The following NKX1-1 variants were observed in gnomAD, a reference collection of about 807,000 sequenced individuals.
NKX1-1 encodes NK1 homeobox 1, also known as NK1 transcription factor-related protein 1.
A neutral mutation model predicts 1.7 loss-of-function variants in NKX1-1; 7 were observed. The ratio of observed to expected loss-of-function variants is 4.22; its 90% confidence interval spans 2.40 to 7.92. The LOEUF is 7.92. Among genes scored for constraint, NKX1-1 ranks in the 30% most tolerant of loss-of-function variants. The probability of loss-of-function intolerance (pLI) is 0.00; values close to 1 mark genes in which losing one functional copy is unlikely to be tolerated. For missense variants in NKX1-1, 453 were observed against 171.5 expected, an observed-to-expected ratio of 2.64 and a Z score of -9.17; for synonymous variants, 242 against 85.3, an observed-to-expected ratio of 2.84 and a Z score of -10.13.
rs557346479 is a variant in NKX1-1 at position 1,405,867 on chromosome 4, C to A, written c.463+113G>T. On this transcript the variant is annotated intron_variant, in intron 1 of 1. Coordinates refer to ENST00000422806, the MANE Select transcript of NKX1-1 (RefSeq NM_001290079.1). ...GACCCGGCGCTCAGCGAACTTTCCA[C>A]GGAGCCTCGGCGTGGGCCAGACCCA... 1.7e-3 allele frequency: 680 copies of A among 396,556 alleles called. 18 individuals are homozygous for A. In the South Asian group the frequency reaches 0.066, roughly 38 times the overall value. 24.6% of individuals were successfully genotyped at this position (396,556 alleles called of 1,614,324 possible).
chr4:1,403,028 C>T lies in NKX1-1; in HGVS notation c.1251G>A (p.Ala417=). Residue 417 remains alanine, a synonymous_variant, in exon 2 of 2, where the codon GCG becomes GCA. Transcript: ENST00000422806. ...CCGGGCTCGACAGGAACGGCAGCTG[C>T]GCGGCGCACACCAGGCCTCCGGGGC... The part of the protein sequence containing the change: ...AHGPGGLVCA[A]QLPFLSSPAV... 1.6e-6 allele frequency: 1 copy of T among 619,352 alleles called. No individual in the cohort carries two copies. The highest frequency in any genetic ancestry group is 2.9e-6 in the Non-Finnish European group (1 of 348,852). The allele number at this position is 619,352 out of a possible 1,614,324, so 38.4% of individuals were successfully genotyped here. A position where few individuals can be genotyped will look rare whatever the true frequency, so the allele number is the denominator to read the frequency against.
Position 1,403,648 on chromosome 4 carries a change from C to T in NKX1-1, c.631G>A (p.Glu211Lys), listed in dbSNP as rs1346352898. 8 of 604,286 alleles carry T rather than the reference C, an allele frequency of 1.3e-5. No individual in the cohort carries two copies. The highest frequency in any genetic ancestry group is 2.1e-5 in the Non-Finnish European group (7 of 341,392). The allele number at this position is 604,286 out of a possible 1,614,324, so 37.4% of individuals were successfully genotyped here. The change falls in exon 2 of 2, where the codon GAG becomes AAG. Residue 211 changes from glutamate to lysine, a missense_variant. Coordinates refer to ENST00000422806, the MANE Select transcript of NKX1-1 (RefSeq NM_001290079.1). ...CCGCCGCCGCCTCCCCGCGCCTCCT[C>T]CGCGCCTCGCGCCGCCTCCGTCTCG... is the stretch of plus-strand genomic sequence containing the variant. ...APETEAARGA[E>K]EARGGGGGLG...
At chr4:1,404,669 G>C (rs1323463546) in intron 1 of NKX1-1, among the ~76,000 whole-genome samples, 2 of 152,258 alleles carry the variant, frequency 1.3e-5, no homozygotes, top group African/African-American at 2.4e-5. Flanking sequence ...ATCTCTCCCA[G>C]GCAGGGTCGC....
chr4:1,403,862 C>G (rs1190915872), intron 1 of NKX1-1, 47 bp from the exon 2 acceptor site: 11 of 571,334 alleles, frequency 1.9e-5, no homozygotes, highest in Non-Finnish European at 3.4e-5. Flanking sequence ...TAGGACCGGC[C>G]GGTTCCCAGA....
rs1366740020 is a variant in NKX1-1 at position 1,403,473 on chromosome 4, G to A, written c.806C>T (p.Ala269Val). Residue 269 changes from alanine (A) to valine (V), a missense_variant, in exon 2 of 2, where the codon GCG becomes GTG. Physicochemically the swap from Ala to Val is moderately conservative, Grantham distance 64. Transcript: ENST00000422806. Reference protein sequence around the residue: ...PPGGAAAPGGAGTTPQGTATA... With the variant: ...PPGGAAAPGGVGTTPQGTATA... ...CGCCGTGCCCTGCGGGGTGGTCCCC[G>A]CGCCCCCCGGCGCCGCTGCACCTCC... The A allele has an allele frequency of 8.7e-6, 5 of 572,550 alleles. No individual in the cohort carries two copies. The highest frequency in any genetic ancestry group is 1.5e-5 in the Non-Finnish European group (5 of 324,798). The allele number at this position is 572,550 out of a possible 1,614,324, so 35.5% of individuals were successfully genotyped here.
intron 1 of NKX1-1, among the ~76,000 whole-genome samples, chr4:1,405,475 G>T (rs189348441): frequency 4.3e-4 from 65 of 152,350 alleles, no homozygotes; most frequent in Admixed American, 1.0e-3. Context: ...GCCGCTTTCC[G>T]CCGCTAAGCA....
Position 1,406,136 on chromosome 4 carries a change from GC to G in NKX1-1, c.306del (p.Leu103TrpfsTer238). On this transcript the variant is annotated frameshift_variant, in exon 1 of 2. Coordinates refer to ENST00000422806, the MANE Select transcript of NKX1-1 (RefSeq NM_001290079.1). LOFTEE classifies it high-confidence loss of function. ...KFNSRRRRCV[L>X]LGPVAPAACA... Reference sequence around the variant, plus strand: ...CACGCAGCGGGAGCCACTGGGCCCAGCAGCACGCAACGACGCCTCCTGCTGT... The same window carrying G: ...CACGCAGCGGGAGCCACTGGGCCCAGAGCACGCAACGACGCCTCCTGCTGT... The G allele has an allele frequency of 1.6e-6, 1 of 618,422 alleles. No individual in the cohort carries two copies. Among genetic ancestry groups the G allele is most frequent in the Non-Finnish European group, 2.9e-6 (1 of 344,560 alleles). The allele number at this position is 618,422 out of a possible 1,614,324, so 38.3% of individuals were successfully genotyped here. A position where few individuals can be genotyped will look rare whatever the true frequency, so the allele number is the denominator to read the frequency against.
intron 1 of NKX1-1, among the ~76,000 whole-genome samples, chr4:1,404,846 C>G (rs1052059905): frequency 6.6e-6 from 1 of 152,190 alleles, no homozygotes; most frequent in Admixed American, 6.5e-5. Flanking sequence ...GACTGGCCAC[C>G]TGGCATGGAG....
Position 1,406,310 on chromosome 4 carries a change from G to T in NKX1-1, c.133C>A (p.Pro45Thr), listed in dbSNP as rs1472492636. Residue 45 changes from proline to threonine, a missense_variant, in exon 1 of 2, where the codon CCG (proline) becomes ACG (threonine). Pro to Thr is a conservative substitution (Grantham distance 38, BLOSUM62 -1). Transcript: ENST00000422806. ...QEAMDGRAEL[P>T]AFPRAGAPPL... ...GGGGCTCCAGCGCGGGGAAAGGCCG[G>T]CAGCTCGGCGCGCCCGTCCATAGCT... The T allele has an allele frequency of 5.1e-4, 204 of 396,180 alleles. No homozygotes were observed. The highest frequency in any genetic ancestry group is 8.4e-4 in the Non-Finnish European group (190 of 226,792). The allele number at this position is 396,180 out of a possible 1,614,324, so 24.5% of individuals were successfully genotyped here.
intron 1 of NKX1-1, among the ~76,000 whole-genome samples, chr4:1,405,551 C>A (rs1720734492): frequency 1.4e-5 from 2 of 142,126 alleles, no homozygotes; most frequent in African/African-American, 5.2e-5. Context: ...CGTTTTGTCA[C>A]AATTAGTCTG....
At position 1,402,954 on chromosome 4, in the gene NKX1-1, G is replaced by A; in HGVS notation, c.1325C>T (p.Ala442Val). The change falls in exon 2 of 2, where the codon GCC (alanine) becomes GTC (valine). Residue 442 changes from alanine to valine, a missense_variant. By Grantham distance (64) the Ala-to-Val change is moderately conservative. Coordinates refer to ENST00000422806, the MANE Select transcript of NKX1-1 (RefSeq NM_001290079.1). ...GGCTCAGAGGTGCGGCGCGTAGAAGGCGGGCGCCCCGTAGGTCTGCGAGCC... is the reference window on the plus strand; with the variant it reads ...GGCTCAGAGGTGCGGCGCGTAGAAGACGGGCGCCCCGTAGGTCTGCGAGCC... ...VLGSQTYGAP[A>V]FYAPHL 4 of 666,434 alleles carry A rather than the reference G, an allele frequency of 6.0e-6. No homozygotes were observed. Among genetic ancestry groups the A allele is most frequent in the Middle Eastern group, 3.8e-4 (1 of 2,660 alleles). The allele number at this position is 666,434 out of a possible 1,614,324, so 41.3% of individuals were successfully genotyped here.
At position 1,403,742 on chromosome 4, in the gene NKX1-1, G is replaced by T; in HGVS notation, c.537C>A (p.Gly179=). ...DTNGYSSGGG[G]HSPSADSGDE... is the part of the protein sequence containing the mutation. ...CCCCGCTGTCCGCGCTCGGGCTGTG[G>T]CCGCCGCCGCCGCTGCTGTAGCCGT... Residue 179 remains glycine, a synonymous_variant, in exon 2 of 2, where the codon GGC becomes GGA. Coordinates refer to ENST00000422806, the MANE Select transcript of NKX1-1 (RefSeq NM_001290079.1). The T allele has an allele frequency of 1.5e-6, 1 of 680,414 alleles. No homozygotes were observed. Among genetic ancestry groups the T allele is most frequent in the Non-Finnish European group, 2.7e-6 (1 of 375,878 alleles). 42.1% of individuals were successfully genotyped at this position (680,414 alleles called of 1,614,324 possible). A position where few individuals can be genotyped will look rare whatever the true frequency, so the allele number is the denominator to read the frequency against.
rs1232273073 is a variant in NKX1-1 at position 1,406,386 on chromosome 4, G to A, written c.57C>T (p.Pro19=). Residue 19 remains proline (P), a synonymous_variant, in exon 1 of 2, where the codon CCC becomes CCT. Transcript: ENST00000422806. ...PGDIPALPPP[P]QPGSGPAPPA... ...GCGGTGCGGGCCCCGAACCTGGCTG[G>A]GGAGGCGGCGGTAGCGCGGGAATGT... The A allele has an allele frequency of 1.7e-5, 6 of 356,394 alleles. No individual in the cohort carries two copies. Among genetic ancestry groups the A allele is most frequent in the Non-Finnish European group, 3.0e-5 (6 of 199,530 alleles). 22.1% of individuals were successfully genotyped at this position (356,394 alleles called of 1,614,324 possible).
Position 1,403,650 on chromosome 4 carries a change from G to T in NKX1-1, c.629C>A (p.Ala210Glu). The change falls in exon 2 of 2, where the codon GCG becomes GAG. Residue 210 changes from alanine to glutamate, a missense_variant. Ala to Glu is a moderately radical substitution (Grantham distance 107, BLOSUM62 -1). Coordinates refer to ENST00000422806, the MANE Select transcript of NKX1-1 (RefSeq NM_001290079.1). Reference sequence around the variant, plus strand: ...GCCGCCGCCTCCCCGCGCCTCCTCCGCGCCTCGCGCCGCCTCCGTCTCGGG... The same window carrying T: ...GCCGCCGCCTCCCCGCGCCTCCTCCTCGCCTCGCGCCGCCTCCGTCTCGGG... ...EAPETEAARG[A>E]EEARGGGGGL... 1.7e-6 allele frequency: 1 copy of T among 605,504 alleles called. No individual in the cohort carries two copies. 37.5% of individuals were successfully genotyped at this position (605,504 alleles called of 1,614,324 possible).
rs535150942 is a variant in NKX1-1, at chr4:1,403,624, C to T, written c.655G>A (p.Gly219Ser). 81 of 506,224 alleles carry T rather than the reference C, an allele frequency of 1.6e-4. 1 individual carries two copies. The highest frequency in any genetic ancestry group is 1.3e-3 in the African/African-American group (65 of 49,224). 31.4% of individuals were successfully genotyped at this position (506,224 alleles called of 1,614,324 possible). ...GAEEARGGGG[G>S]LGARGSGCQG... ...CAACCCGACCCGCGGGCCCCGAGGC[C>T]GCCGCCGCCTCCCCGCGCCTCCTCC... The change falls in exon 2 of 2, where the codon GGC becomes AGC. Residue 219 changes from glycine (G) to serine (S), a missense_variant. By Grantham distance (56) the Gly-to-Ser change is moderately conservative. Coordinates refer to ENST00000422806, the MANE Select transcript of NKX1-1 (RefSeq NM_001290079.1).
rs1720700309 is a variant in NKX1-1, at chr4:1,403,753, C to CGCT, written c.523_525dup (p.Ser175dup). 4 of 683,458 alleles carry CGCT rather than the reference C, an allele frequency of 5.9e-6. No homozygotes were observed. In the East Asian group the frequency reaches 1.2e-4, roughly 20 times the overall value. 42.3% of individuals were successfully genotyped at this position (683,458 alleles called of 1,614,324 possible). A position where few individuals can be genotyped will look rare whatever the true frequency, so the allele number is the denominator to read the frequency against. ...GCGCTCGGGCTGTGGCCGCCGCCGCCGCTGCTGTAGCCGTTGGTGTCGTTG... is the reference window on the plus strand; with the variant it reads ...GCGCTCGGGCTGTGGCCGCCGCCGCCGCTGCTGCTGTAGCCGTTGGTGTCGTTG... On this transcript the variant is annotated inframe_insertion, in exon 2 of 2. Transcript: ENST00000422806.
rs375927221 is a variant in NKX1-1, at chr4:1,403,442, C to T, written c.837G>A (p.Ala279=). The T allele has an allele frequency of 6.6e-4, 420 of 636,918 alleles. 5 individuals are homozygous for T. Among genetic ancestry groups the T allele is most frequent in the South Asian group, 6.3e-3 (380 of 60,634 alleles). 39.5% of individuals were successfully genotyped at this position (636,918 alleles called of 1,614,324 possible). A position where few individuals can be genotyped will look rare whatever the true frequency, so the allele number is the denominator to read the frequency against. Residue 279 remains alanine (A), a synonymous_variant, in exon 2 of 2, where the codon GCG becomes GCA. Coordinates refer to ENST00000422806, the MANE Select transcript of NKX1-1 (RefSeq NM_001290079.1). Reference sequence around the variant, plus strand: ...CCGTGCGCTTCCGCTTGGGCTTCGCCGCCGTCGCCGTGCCCTGCGGGGTGG... The same window carrying T: ...CCGTGCGCTTCCGCTTGGGCTTCGCTGCCGTCGCCGTGCCCTGCGGGGTGG... ...AGTTPQGTAT[A]AKPKRKRTGS...
Position 1,403,049 on chromosome 4 carries a change from G to T in NKX1-1, c.1230C>A (p.Pro410=), listed in dbSNP as rs1720679575. ...HGPAGYPAHG[P]GGLVCAAQLP... ...GCTGCGCGGCGCACACCAGGCCTCC[G>T]GGGCCGTGCGCCGGGTACCCGGCCG... is the stretch of plus-strand genomic sequence containing the variant. Residue 410 remains proline, a synonymous_variant, in exon 2 of 2, where the codon CCC becomes CCA. Transcript: ENST00000422806. 3 of 534,826 alleles carry T rather than the reference G, an allele frequency of 5.6e-6. No homozygotes were observed. Among genetic ancestry groups the T allele is most frequent in the Non-Finnish European group, 9.9e-6 (3 of 304,522 alleles). 33.1% of individuals were successfully genotyped at this position (534,826 alleles called of 1,614,324 possible). A position where few individuals can be genotyped will look rare whatever the true frequency, so the allele number is the denominator to read the frequency against.
Position 1,406,240 on chromosome 4 carries a change from GC to G in NKX1-1, c.202del (p.Ala68LeufsTer273). ...GGGCGCTGCGGGCCGGGCCGCTCCA[GC>G]CCCCTCGGGCGCCGCAGGCACAGTG... ...SDTVPAAPEG[A>X]GAARPAAPLR... On this transcript the variant is annotated frameshift_variant, in exon 1 of 2. Coordinates refer to ENST00000422806, the MANE Select transcript of NKX1-1 (RefSeq NM_001290079.1). LOFTEE classifies it high-confidence loss of function. 4.1e-6 allele frequency: 2 copies of G among 485,892 alleles called. No homozygotes were observed. Among genetic ancestry groups the G allele is most frequent in the South Asian group, 3.2e-5 (1 of 31,592 alleles). The allele number at this position is 485,892 out of a possible 1,614,324, so 30.1% of individuals were successfully genotyped here.
Sources: allele counts gnomAD v4.1 joint callset (sites outside exome capture counted in the v4.1 genomes callset), GRCh38; gene constraint gnomAD v4.1.1; transcripts MANE v1.5; gene names NCBI Gene and HGNC (gene_info 2026-07-23, HGNC 2026-07-21).